Variants in VWF observed in about 807,000 individuals in gnomAD.
VWF encodes the protein von Willebrand factor, also known as Factor VIII related antigen.
Under a neutral mutation model 308.6 loss-of-function variants are expected in VWF, and 176 were observed. The observed-to-expected ratio is 0.57, with a 90% CI of 0.50 to 0.65. The LOEUF is 0.65. Ranked by LOEUF, VWF falls within the 30% of genes least tolerant of loss-of-function variation. VWF has a pLI of 0.00. For synonymous variants in VWF, 1,385 were observed against 1,443.4 expected (o/e 0.96, Z 0.92); for missense variants, 3,146 against 3,648.2 (o/e 0.86, Z 3.55).
intron 5 of VWF, among the ~76,000 whole-genome samples, chr12:6,108,552 G>T (rs931042352): frequency 3.5e-5 from 5 of 141,568 alleles, no homozygotes; most frequent in Non-Finnish European, 7.6e-5. Flanking sequence ...ACCAATCAGA[G>T]AATACATTAT....
chr12:5,983,602 T>C (rs982171479), intron 40 of VWF, among the ~76,000 whole-genome samples: 1 of 151,694 alleles, frequency 6.6e-6, no homozygotes, highest in Non-Finnish European at 1.5e-5. Context: ...GGATAGATGA[T>C]AAAACATAGG....
intron 6 of VWF, among the ~76,000 whole-genome samples, chr12:6,083,479 C>T (rs557006142): frequency 2.3e-4 from 35 of 152,300 alleles, no homozygotes; most frequent in African/African-American, 7.9e-4. Context: ...GTGGGAGGAT[C>T]ACTTGAGCCT....
chr12:6,110,537 C>G lies in VWF; in HGVS notation c.369G>C (p.Glu123Asp). 1 of 1,614,216 alleles carries G rather than the reference C, an allele frequency of 6.2e-7. No homozygotes were observed. The highest frequency in any genetic ancestry group is 8.5e-7 in the Non-Finnish European group (1 of 1,180,046). ...YASKGLYLETEAGYYKLSGEA... is the reference protein window; with the variant it reads ...YASKGLYLETDAGYYKLSGEA... ...CACCGGACAGCTTGTAGTACCCAGC[C>G]TCAGTTTCTAGATACAGCCCTTTGG... The change falls in exon 5 of 52, where the codon GAG becomes GAC. Residue 123 changes from glutamate to aspartate, a missense_variant. Physicochemically the swap from Glu to Asp is conservative, Grantham distance 45. This residue lies in a region of VWF where 1,304 missense variants were observed against 1,353.0 expected (regional missense o/e 0.96). Transcript: ENST00000261405.
chr12:5,980,177 G>GGGAA (rs543523843), intron 42 of VWF, among the ~76,000 whole-genome samples: 42,460 of 67,640 alleles, frequency 0.63, 15,084 homozygotes, highest in East Asian at 0.88. Flanking sequence ...GAGGGAGGGA[G>GGGAA]GGAGGGAGGG....
chr12:5,997,996 T>C (rs1943824847), intron 34 of VWF, among the ~76,000 whole-genome samples: 1 of 152,172 alleles, frequency 6.6e-6, no homozygotes, highest in African/African-American at 2.4e-5. Context: ...AATCATTTTA[T>C]CTCATCTCTC....
In VWF at chr12:5,991,762, C is replaced by G. The variant is rs892258788; in HGVS notation, c.6798+57G>C. The G allele has an allele frequency of 3.2e-6, 5 of 1,586,492 alleles. No homozygotes were observed. In the Admixed American group the frequency reaches 8.3e-5, roughly 26 times the overall value. On this transcript the variant is annotated intron_variant, in intron 38 of 51. Transcript: ENST00000261405. The stretch of plus-strand genomic sequence containing the variant: ...AGGCCAATCACTGGTGAACATATCT[C>G]CCTTTTGACCCAAGAGGGAAGCAGC...
chr12:6,024,154 C>A lies in VWF; in HGVS notation c.3223-367G>T, dbSNP rs1030508128. Among the ~76,000 whole-genome samples, 1 of 152,222 alleles carries A rather than the reference C, an allele frequency of 6.6e-6. No individual in the cohort carries two copies. Among genetic ancestry groups the A allele is most frequent in the Admixed American group, 6.5e-5 (1 of 15,290 alleles). On this transcript the variant is annotated intron_variant, in intron 24 of 51. Transcript: ENST00000261405. The surrounding 1 kb of genome is among the most constrained non-coding windows in gnomAD (Gnocchi z 4.0). The stretch of plus-strand genomic sequence containing the variant: ...GCATGTGGGTGCTTTTACAAAAACA[C>A]AAACACACATATGTGCTGGTCACTG...
At chr12:6,111,890 G>A (rs1381221391) in intron 3 of VWF, among the ~76,000 whole-genome samples, 5 of 152,096 alleles carry the variant, frequency 3.3e-5, no homozygotes, top group South Asian at 4.1e-4. Flanking sequence ...CCCAGGAGGC[G>A]GAGCTTGCAG....
intron 5 of VWF, among the ~76,000 whole-genome samples, chr12:6,101,978 C>T (rs1004680236): frequency 1.3e-5 from 2 of 152,074 alleles, no homozygotes; most frequent in African/African-American, 4.8e-5. Context: ...AAATGACAGA[C>T]AGAACATGAC....
chr12:6,106,989 GT>G (rs1945252512), intron 5 of VWF, among the ~76,000 whole-genome samples: 1 of 150,932 alleles, frequency 6.6e-6, no homozygotes, highest in Non-Finnish European at 1.5e-5. Flanking sequence ...CACTGGCTTT[GT>G]TCATAATTTT....
chr12:5,996,229 A>G lies in VWF; in HGVS notation c.5843-7T>C, dbSNP rs778371135. ...GAGCTGCCTGTGCACACGCCTGGAC[A>G]GAGAGAAGCAGAGGATGGATGCGAC... On this transcript the variant is annotated splice_polypyrimidine_tract_variant and splice_region_variant and intron_variant, in intron 34 of 51. Transcript: ENST00000261405. 1.2e-6 allele frequency: 2 copies of G among 1,606,850 alleles called. No individual in the cohort carries two copies. Among genetic ancestry groups the G allele is most frequent in the Non-Finnish European group, 1.7e-6 (2 of 1,176,564 alleles).
Position 6,075,301 on chromosome 12 carries a change from C to T in VWF, c.874+34G>A, listed in dbSNP as rs763722452. On this transcript the variant is annotated intron_variant, in intron 7 of 51. Coordinates refer to ENST00000261405, the MANE Select transcript of VWF (RefSeq NM_000552.5). This position sits in a 1 kb window ranked among gnomAD's most constrained non-coding sequence, Gnocchi z 4.7. ...CCACCCAGGACAGACCGTTCATCCC[C>T]GGCAGGGCAGGACGGGGCAGGGGGC... 8 of 1,613,026 alleles carry T rather than the reference C, an allele frequency of 5.0e-6. No individual in the cohort carries two copies. The highest frequency in any genetic ancestry group is 2.2e-5 in the East Asian group (1 of 44,888).
intron 34 of VWF, among the ~76,000 whole-genome samples, chr12:5,998,375 G>C (rs1047082767): frequency 1.4e-5 from 2 of 148,126 alleles, no homozygotes; most frequent in African/African-American, 5.0e-5. Flanking sequence ...GCGGGCACCT[G>C]TAGTCCCAGC....
intron 39 of VWF, among the ~76,000 whole-genome samples, 194 bp from the exon 40 acceptor site, chr12:5,985,313 G>A (rs1163262039): frequency 1.3e-5 from 2 of 152,178 alleles, no homozygotes; most frequent in Non-Finnish European, 2.9e-5. Context: ...ACCCTCCAGG[G>A]GACTCTTAAG....
chr12:5,983,182 T>C lies in VWF; in HGVS notation c.7049A>G (p.Asn2350Ser), dbSNP rs967443310. ...GAAGTTGGGTCTGCACTCGCCAGGGTTGGTCAGTGTGGGCTGGAGGCCACG... is the reference window on the plus strand; with the variant it reads ...GAAGTTGGGTCTGCACTCGCCAGGGCTGGTCAGTGTGGGCTGGAGGCCACG... ...CERGLQPTLTNPGECRPNFTC... is the reference protein window; with the variant it reads ...CERGLQPTLTSPGECRPNFTC... The change falls in exon 41 of 52, where the codon AAC (asparagine) becomes AGC (serine). Residue 2350 changes from asparagine (N) to serine (S), a missense_variant. Asn to Ser is a conservative substitution (Grantham distance 46, BLOSUM62 1). Coordinates refer to ENST00000261405, the MANE Select transcript of VWF (RefSeq NM_000552.5). 3 of 1,614,018 alleles carry C rather than the reference T, an allele frequency of 1.9e-6. No homozygotes were observed. The highest frequency in any genetic ancestry group is 2.5e-6 in the Non-Finnish European group (3 of 1,179,968).
At chr12:6,096,549 T>C (rs1490217660) in intron 5 of VWF, among the ~76,000 whole-genome samples, 2 of 152,216 alleles carry the variant, frequency 1.3e-5, no homozygotes, top group Non-Finnish European at 2.9e-5. Context: ...GTGTCTCTTA[T>C]CTCTAAATTC....
chr12:5,969,277 G>C lies in VWF; in HGVS notation c.7663C>G (p.Pro2555Ala), dbSNP rs1943441751. 6 of 1,614,182 alleles carry C rather than the reference G, an allele frequency of 3.7e-6. No individual in the cohort carries two copies. Among genetic ancestry groups the C allele is most frequent in the Non-Finnish European group, 5.1e-6 (6 of 1,180,036 alleles). Reference protein sequence around the residue: ...RNVSCPQLEVPVCPSGFQLSC... With the variant: ...RNVSCPQLEVAVCPSGFQLSC... ...AGCTGAAAGCCCGAGGGGCAGACAG[G>C]GACCTCCAGCTGGGGGCAGGAGACG... The change falls in exon 45 of 52, where the codon CCT (proline) becomes GCT (alanine). Residue 2555 changes from proline (P) to alanine (A), a missense_variant. Physicochemically the swap from Pro to Ala is conservative, Grantham distance 27. Around this residue, in one of 3 missense-constraint regions of VWF, gnomAD observed 989 missense variants for 1,117.4 expected, o/e 0.89. Coordinates refer to ENST00000261405, the MANE Select transcript of VWF (RefSeq NM_000552.5).
Position 6,121,340 on chromosome 12 carries a change from T to A in VWF, c.56-2A>T. ...GAGTTCCTTCTGCACAAAGGGTCCC[T>A]GGAGGGAGAGGCCACAGGTTGGGCT... is the stretch of plus-strand genomic sequence containing the variant. On this transcript the variant is annotated splice_acceptor_variant, in intron 2 of 51. Transcript: ENST00000261405. LOFTEE classifies it high-confidence loss of function. 6.2e-7 allele frequency: 1 copy of A among 1,613,878 alleles called. No homozygotes were observed. Among genetic ancestry groups the A allele is most frequent in the Non-Finnish European group, 8.5e-7 (1 of 1,179,944 alleles).
intron 20 of VWF, among the ~76,000 whole-genome samples, chr12:6,033,290 C>T (rs918199700): frequency 5.3e-5 from 8 of 152,226 alleles, no homozygotes; most frequent in Admixed American, 4.6e-4. Context: ...AGGGGAGGGG[C>T]CCCAGGACAA....
Sources: gnomAD v4.1 joint callset for allele counts (sites outside exome capture counted in the v4.1 genomes callset) on GRCh38, gnomAD v4.1.1 for gene constraint, gnomAD v4.1.1 regional missense constraint, Gnocchi (gnomAD v3.1) non-coding constraint, MANE v1.5 for transcripts, NCBI Gene and HGNC (gene_info 2026-07-23, HGNC 2026-07-21) for gene names.